Variants in ZBED4 observed in about 807,000 individuals in gnomAD.
ZBED4 encodes zinc finger BED domain-containing protein 4.
Under a neutral mutation model 15.5 loss-of-function variants are expected in ZBED4, and 4 were observed. The observed-to-expected ratio is 0.26, with a 90% CI of 0.13 to 0.59. The LOEUF (loss-of-function observed/expected upper bound fraction) is 0.59. Among genes scored for constraint, ZBED4 ranks in the 20% least tolerant of loss-of-function variants. The pLI is 0.90. For synonymous variants in ZBED4, 692 were observed against 608.5 expected (o/e 1.14, Z -2.02); for missense variants, 1,323 against 1,461.8 (o/e 0.91, Z 1.55).
chr22:49,887,103 C>T lies in ZBED4; in HGVS notation c.3441C>T (p.Ser1147=), dbSNP rs1222398642. The T allele has an allele frequency of 6.2e-7, 1 of 1,614,066 alleles. No homozygotes were observed. Among genetic ancestry groups the T allele is most frequent in the East Asian group, 2.2e-5 (1 of 44,880 alleles). The change falls in exon 2 of 2, where the codon TCC becomes TCT. Residue 1147 remains serine (S), a synonymous_variant. Coordinates refer to ENST00000216268, the MANE Select transcript of ZBED4 (RefSeq NM_014838.3). The stretch of plus-strand genomic sequence containing the variant: ...CTGAGAACGGTAGCCTTGGCCAATC[C>T]AGGCTCATGATGGAACATTTTGAAA... ...TPTENGSLGQ[S]RLMMEHFEKL...
chr22:49,864,320 A>G (rs991563817), intron 1 of ZBED4, among the ~76,000 whole-genome samples: 8 of 152,248 alleles, frequency 5.3e-5, no homozygotes, highest in African/African-American at 1.7e-4. Context: ...AAACATCACA[A>G]TCTCAAAATA....
At chr22:49,858,511 A>G (rs2060284238) in intron 1 of ZBED4, among the ~76,000 whole-genome samples, 2 of 152,078 alleles carry the variant, frequency 1.3e-5, no homozygotes, top group South Asian at 4.1e-4. Context: ...GGTTATTATA[A>G]AGTTTCTAAC....
rs566519683 is a variant in ZBED4, at chr22:49,887,760, C to T, written c.*582C>T. On this transcript the variant is annotated 3_prime_UTR_variant, in exon 2 of 2. Coordinates refer to ENST00000216268, the MANE Select transcript of ZBED4 (RefSeq NM_014838.3). ...ACGACAGAGACGTGGCATTTGGAAA[C>T]GAAACTTAGATGTTTCATGGAGCTT... 8.4e-5 allele frequency: 14 copies of T among 167,364 alleles called. No homozygotes were observed. Among genetic ancestry groups the T allele is most frequent in the African/African-American group, 2.4e-4 (10 of 41,568 alleles). 10.4% of individuals were successfully genotyped at this position (167,364 alleles called of 1,614,324 possible).
In ZBED4 at chr22:49,868,265, T is replaced by C. The variant is rs148408226; in HGVS notation, c.-330+14276T>C. On this transcript the variant is annotated intron_variant, in intron 1 of 1. Coordinates refer to ENST00000216268, the MANE Select transcript of ZBED4 (RefSeq NM_014838.3). The stretch of plus-strand genomic sequence containing the variant: ...TTTGGGGAAACTAAAAAATAAAATA[T>C]AGGCAGTGTTACAAGCAAACAAATG... 6.8e-3 allele frequency among the ~76,000 whole-genome samples: 1,033 copies of C among 152,332 alleles called. 9 individuals carry two copies. Among genetic ancestry groups the C allele is most frequent in the African/African-American group, 0.023 (965 of 41,568 alleles).
intron 1 of ZBED4, among the ~76,000 whole-genome samples, chr22:49,871,759 T>A (rs1041848031): frequency 5.3e-4 from 8 of 15,096 alleles, no homozygotes; most frequent in Non-Finnish European, 9.6e-4. Context: ...ATTTATTTAT[T>A]TTTTTTTTTT....
In ZBED4 at chr22:49,865,802, T is replaced by C. The variant is rs2060319871; in HGVS notation, c.-330+11813T>C. On this transcript the variant is annotated intron_variant, in intron 1 of 1. Coordinates refer to ENST00000216268, the MANE Select transcript of ZBED4 (RefSeq NM_014838.3). ...CTTCCTGCATCTTGATAGTAGTTTT[T>C]CTGCATTCATTGTGCTCGAAGGTCA... Among the ~76,000 whole-genome samples the C allele has an allele frequency of 3.3e-5, 5 of 152,296 alleles. No individual in the cohort carries two copies. In the South Asian group the frequency reaches 1.0e-3, roughly 32 times the overall value.
chr22:49,886,884 A>T lies in ZBED4; in HGVS notation c.3222A>T (p.Lys1074Asn). 6.2e-7 allele frequency: 1 copy of T among 1,614,130 alleles called. No individual in the cohort carries two copies. The highest frequency in any genetic ancestry group is 1.1e-5 in the South Asian group (1 of 91,084). Residue 1074 changes from lysine (K) to asparagine (N), a missense_variant, in exon 2 of 2, where the codon AAA becomes AAT. Lys to Asn is a moderately conservative substitution (Grantham distance 94, BLOSUM62 0). Coordinates refer to ENST00000216268, the MANE Select transcript of ZBED4 (RefSeq NM_014838.3). This position sits in a 1 kb window ranked among gnomAD's most constrained non-coding sequence, Gnocchi z 7.7. ...LWSLVAKVKKKDPREKLPEAM... is the reference protein window; with the variant it reads ...LWSLVAKVKKNDPREKLPEAM... Reference sequence around the variant, plus strand: ...CACTTGTGGCCAAGGTGAAGAAGAAAGACCCAAGAGAAAAGCTGCCTGAAG... The same window carrying T: ...CACTTGTGGCCAAGGTGAAGAAGAATGACCCAAGAGAAAAGCTGCCTGAAG...
In ZBED4 at chr22:49,884,334, G is replaced by A; in HGVS notation, c.672G>A (p.Glu224=). ...TCCCGTCCCCCGATCGAATAACAGAGGAGTCTGTGTCTGTAGTTTCTTCTG... is the reference window on the plus strand; with the variant it reads ...TCCCGTCCCCCGATCGAATAACAGAAGAGTCTGTGTCTGTAGTTTCTTCTG... The part of the protein sequence containing the change: ...SKIPSPDRIT[E]ESVSVVSSEE... Residue 224 remains glutamate (E), a synonymous_variant, in exon 2 of 2, where the codon GAG becomes GAA. Coordinates refer to ENST00000216268, the MANE Select transcript of ZBED4 (RefSeq NM_014838.3). The A allele has an allele frequency of 6.2e-7, 1 of 1,613,662 alleles. No individual in the cohort carries two copies. Among genetic ancestry groups the A allele is most frequent in the Non-Finnish European group, 8.5e-7 (1 of 1,179,790 alleles).
intron 1 of ZBED4, among the ~76,000 whole-genome samples, chr22:49,869,133 A>G (rs1247420074): frequency 4.6e-5 from 7 of 151,780 alleles, no homozygotes; most frequent in East Asian, 1.9e-4. Flanking sequence ...AAAAAAAAAA[A>G]AAAAGAAAAA....
intron 1 of ZBED4, among the ~76,000 whole-genome samples, chr22:49,870,542 CGTT>C (rs1043785271): frequency 6.6e-6 from 1 of 151,988 alleles, no homozygotes; most frequent in Non-Finnish European, 1.5e-5. Context: ...GATGGTATCT[CGTT>C]GTGGTTTTGA....
intron 1 of ZBED4, among the ~76,000 whole-genome samples, chr22:49,862,368 A>G (rs2060301157): frequency 6.6e-6 from 1 of 152,258 alleles, no homozygotes; most frequent in South Asian, 2.1e-4. Flanking sequence ...GCCTGCAAGT[A>G]GCTGGGACTA....
At chr22:49,864,820 C>CCAAA (rs2060312440) in intron 1 of ZBED4, among the ~76,000 whole-genome samples, 1 of 66,992 alleles carries the variant, frequency 1.5e-5, no homozygotes. Context: ...ACCCTGTCTC[C>CCAAA]AAAAAAAAAA....
In ZBED4 at chr22:49,885,861, A is replaced by G. The variant is rs1323685282; in HGVS notation, c.2199A>G (p.Gly733=). The G allele has an allele frequency of 5.0e-6, 7 of 1,390,848 alleles. No homozygotes were observed. The South Asian group carries it at 7.0e-5, about 14-fold the overall frequency. The allele number at this position is 1,390,848 out of a possible 1,614,324, so 86.2% of individuals were successfully genotyped here. ...GTGGTGTGATCCACTTCACGTCTGG[A>G]ATATGGATGAGTAACCAGACCCGTG... is the stretch of plus-strand genomic sequence containing the variant. ...AESGVIHFTS[G]IWMSNQTREY... The change falls in exon 2 of 2, where the codon GGA becomes GGG. Residue 733 remains glycine (G), a synonymous_variant. Coordinates refer to ENST00000216268, the MANE Select transcript of ZBED4 (RefSeq NM_014838.3).
At chr22:49,855,367 G>T (rs1375187061) in intron 1 of ZBED4, among the ~76,000 whole-genome samples, 2 of 152,122 alleles carry the variant, frequency 1.3e-5, no homozygotes, top group African/African-American at 4.8e-5. Flanking sequence ...TCTTGTCCAG[G>T]TAATTCCTGA....
rs566969856 is a variant in ZBED4 at position 49,883,541 on chromosome 22, A to G, written c.-122A>G. The G allele has an allele frequency of 4.9e-5, 65 of 1,332,144 alleles. 1 individual carries two copies. The Admixed American group carries it at 1.5e-3, about 30-fold the overall frequency. The allele number at this position is 1,332,144 out of a possible 1,614,324, so 82.5% of individuals were successfully genotyped here. On this transcript the variant is annotated 5_prime_UTR_variant, in exon 2 of 2. Coordinates refer to ENST00000216268, the MANE Select transcript of ZBED4 (RefSeq NM_014838.3). ...ATTTATGATTAGCCATATTTCTAGAAACATCCTGAAAGATGGAATTATGAC... is the reference window on the plus strand; with the variant it reads ...ATTTATGATTAGCCATATTTCTAGAGACATCCTGAAAGATGGAATTATGAC...
intron 1 of ZBED4, among the ~76,000 whole-genome samples, chr22:49,858,435 T>C (rs2060283765): frequency 6.6e-6 from 1 of 152,210 alleles, no homozygotes; most frequent in African/African-American, 2.4e-5. Context: ...TCCCTGGGTA[T>C]ACTCGACAGC....
At chr22:49,879,143 C>CA (rs956422385) in intron 1 of ZBED4, among the ~76,000 whole-genome samples, 79 of 127,896 alleles carry the variant, frequency 6.2e-4, no homozygotes, top group South Asian at 8.6e-4. Flanking sequence ...GACTCCATCT[C>CA]AAAAAAAAAA....
In ZBED4 at chr22:49,885,418, A is replaced by G. The variant is rs760515369; in HGVS notation, c.1756A>G (p.Ile586Val). Reference sequence around the variant, plus strand: ...CGTGTGCTTGCACTGTGGCCGGACCATCAGCCGGGGGAAGAAGCCGACTAA... The same window carrying G: ...CGTGTGCTTGCACTGTGGCCGGACCGTCAGCCGGGGGAAGAAGCCGACTAA... Reference protein sequence around the residue: ...KVVCLHCGRTISRGKKPTNLG... With the variant: ...KVVCLHCGRTVSRGKKPTNLG... The change falls in exon 2 of 2, where the codon ATC becomes GTC. Residue 586 changes from isoleucine to valine, a missense_variant. Ile to Val is a conservative substitution (Grantham distance 29, BLOSUM62 3). Coordinates refer to ENST00000216268, the MANE Select transcript of ZBED4 (RefSeq NM_014838.3). The G allele has an allele frequency of 5.6e-6, 9 of 1,607,772 alleles. No individual in the cohort carries two copies. The South Asian group carries it at 9.9e-5, about 18-fold the overall frequency.
At chr22:49,861,072 G>A (rs929610150) in intron 1 of ZBED4, among the ~76,000 whole-genome samples, 3 of 151,964 alleles carry the variant, frequency 2.0e-5, no homozygotes, top group Non-Finnish European at 2.9e-5. Flanking sequence ...CACCATGCCC[G>A]GCCTAGGCAA....
Sources: allele counts gnomAD v4.1 joint callset (sites outside exome capture counted in the v4.1 genomes callset), GRCh38; gene constraint gnomAD v4.1.1; non-coding constraint Gnocchi (gnomAD v3.1); transcripts MANE v1.5; gene names NCBI Gene and HGNC (gene_info 2026-07-23, HGNC 2026-07-21).